CNNM4: variants seen among roughly 807,000 people sequenced by gnomAD.
CNNM4 encodes metal transporter CNNM4.
A neutral mutation model predicts 53.7 loss-of-function variants in CNNM4; 32 were observed. The ratio of observed to expected loss-of-function variants is 0.60; its 90% CI spans 0.45 to 0.80. CNNM4 has a LOEUF of 0.80. Among genes scored for constraint, CNNM4 ranks in the 30% least tolerant of loss-of-function variants. CNNM4 has a pLI of 0.00. For missense variants in CNNM4, 784 were observed against 1,022.0 expected, an observed-to-expected ratio of 0.77 and a Z score of 3.17; for synonymous variants, 410 against 440.0, an observed-to-expected ratio of 0.93 and a Z score of 0.85.
In CNNM4 at chr2:96,801,105, A is replaced by G; in HGVS notation, c.1948+1457A>G. 1 of 985,354 alleles carries G rather than the reference A, an allele frequency of 1.0e-6. No homozygotes were observed. The highest frequency in any genetic ancestry group is 1.2e-6 in the Non-Finnish European group (1 of 829,910). 61.0% of individuals were successfully genotyped at this position (985,354 alleles called of 1,614,324 possible). A position where few individuals can be genotyped will look rare whatever the true frequency, so the allele number is the denominator to read the frequency against. ...GTCCAGGTCGGGTGTCCGCCTGGCA[A>G]GCGGAACTCCCTGCTCTGCTGGCTC... On this transcript the variant is annotated intron_variant, in intron 5 of 6. Transcript: ENST00000377075. This position sits in a 1 kb window ranked among gnomAD's most constrained non-coding sequence, Gnocchi z 5.6.
chr2:96,761,339 G>A lies in CNNM4; in HGVS notation c.340G>A (p.Asp114Asn), dbSNP rs1388977149. The A allele has an allele frequency of 6.2e-7, 1 of 1,614,074 alleles. No homozygotes were observed. Among genetic ancestry groups the A allele is most frequent in the Admixed American group, 1.7e-5 (1 of 60,032 alleles). Reference sequence around the variant, plus strand: ...CACCAGCTGCCTCGAGCTCACCAAGGACCTGGTCGTCCAGCAGCTGGTCAA... The same window carrying A: ...CACCAGCTGCCTCGAGCTCACCAAGAACCTGGTCGTCCAGCAGCTGGTCAA... The part of the protein sequence containing the change: ...KSTSCLELTK[D>N]LVVQQLVNVS... Residue 114 changes from aspartate (D) to asparagine (N), a missense_variant, in exon 1 of 7, where the codon GAC becomes AAC. By Grantham distance (23) the Asp-to-Asn change is conservative. Around this residue, in one of 3 missense-constraint regions of CNNM4, gnomAD observed 473 missense variants for 624.6 expected, o/e 0.76. Transcript: ENST00000377075. This position sits in a 1 kb window ranked among gnomAD's most constrained non-coding sequence, Gnocchi z 6.0.
chr2:96,770,562 C>T (rs926486102), intron 1 of CNNM4, among the ~76,000 whole-genome samples: 20 of 152,208 alleles, frequency 1.3e-4, no homozygotes, highest in Admixed American at 1.1e-3. Flanking sequence ...CACCGTCCTT[C>T]GCAGCAGCTT....
At chr2:96,786,260 C>T (rs1293753986) in intron 1 of CNNM4, among the ~76,000 whole-genome samples, 19 of 148,564 alleles carry the variant, frequency 1.3e-4, no homozygotes, top group Admixed American at 1.3e-3. Flanking sequence ...CTACTAAAAA[C>T]ACAAAAATTA....
intron 1 of CNNM4, chr2:96,788,913 T>G (rs6576983): frequency 0.45 from 69,140 of 152,126 alleles, 17,066 homozygotes; most frequent in African/African-American, 0.65. Context: ...GGCCCTCTCA[T>G]GGCCCCTGTG....
chr2:96,771,982 G>A (rs1218677892), intron 1 of CNNM4, among the ~76,000 whole-genome samples: 1 of 152,126 alleles, frequency 6.6e-6, no homozygotes, highest in African/African-American at 2.4e-5. Flanking sequence ...CAGAGGTTAC[G>A]ATCAGAATTG....
rs1264370777 is a variant in CNNM4 at position 96,801,121 on chromosome 2, C to A, written c.1948+1473C>A. ...CGCCTGGCAAGCGGAACTCCCTGCTCTGCTGGCTCACAGGTAACGTGGCAC... is the reference window on the plus strand; with the variant it reads ...CGCCTGGCAAGCGGAACTCCCTGCTATGCTGGCTCACAGGTAACGTGGCAC... On this transcript the variant is annotated intron_variant, in intron 5 of 6. Coordinates refer to ENST00000377075, the MANE Select transcript of CNNM4 (RefSeq NM_020184.4). This position sits in a 1 kb window ranked among gnomAD's most constrained non-coding sequence, Gnocchi z 5.6. 5.1e-6 allele frequency: 5 copies of A among 985,286 alleles called. No homozygotes were observed. Among genetic ancestry groups the A allele is most frequent in the Non-Finnish European group, 4.8e-6 (4 of 829,924 alleles). The allele number at this position is 985,286 out of a possible 1,614,324, so 61.0% of individuals were successfully genotyped here.
At position 96,761,195 on chromosome 2, in the gene CNNM4, A is replaced by G. The variant is rs758086016; in HGVS notation, c.196A>G (p.Ile66Val). 6.2e-7 allele frequency: 1 copy of G among 1,613,910 alleles called. No individual in the cohort carries two copies. Among genetic ancestry groups the G allele is most frequent in the South Asian group, 1.1e-5 (1 of 91,070 alleles). Residue 66 changes from isoleucine to valine, a missense_variant, in exon 1 of 7, where the codon ATC (isoleucine) becomes GTC (valine). Ile to Val is a conservative substitution (Grantham distance 29). Around this residue, in one of 3 missense-constraint regions of CNNM4, gnomAD observed 473 missense variants for 624.6 expected, o/e 0.76. Transcript: ENST00000377075. The surrounding 1 kb of genome is among the most constrained non-coding windows in gnomAD (Gnocchi z 6.0). ...KSCGTNPDGI[I>V]FVSEGSTVNL... Reference sequence around the variant, plus strand: ...GTGTGGGACGAACCCGGATGGCATCATCTTCGTGTCCGAGGGCAGCACCGT... The same window carrying G: ...GTGTGGGACGAACCCGGATGGCATCGTCTTCGTGTCCGAGGGCAGCACCGT...
At chr2:96,764,708 C>T (rs1242156010) in intron 1 of CNNM4, among the ~76,000 whole-genome samples, 2 of 152,174 alleles carry the variant, frequency 1.3e-5, no homozygotes, top group Non-Finnish European at 2.9e-5. Context: ...AGTTTCTTGG[C>T]CAGGCGCGGT....
chr2:96,796,609 GAGTT>G (rs2079106815), intron 1 of CNNM4, among the ~76,000 whole-genome samples: 1 of 152,008 alleles, frequency 6.6e-6, no homozygotes, highest in Admixed American at 6.5e-5. Flanking sequence ...AAAAATAAAA[GAGTT>G]AGCCAGGCAT....
At chr2:96,781,908 A>G (rs1042342313) in intron 1 of CNNM4, among the ~76,000 whole-genome samples, 3 of 152,156 alleles carry the variant, frequency 2.0e-5, no homozygotes, top group Non-Finnish European at 4.4e-5. Flanking sequence ...AGATCAAGGA[A>G]ATTCCCTTCT....
intron 5 of CNNM4, among the ~76,000 whole-genome samples, chr2:96,804,725 A>G (rs969273090): frequency 4.0e-5 from 6 of 151,044 alleles, no homozygotes; most frequent in Admixed American, 3.3e-4. Context: ...TAGTAGAAAC[A>G]GGGTTTTGCC....
chr2:96,790,031 C>T (rs1356840013), intron 1 of CNNM4, among the ~76,000 whole-genome samples: 37 of 86,178 alleles, frequency 4.3e-4, no homozygotes, highest in African/African-American at 1.6e-3. Context: ...TTTTTTGAGA[C>T]GGAGTCTTGC....
intron 1 of CNNM4, among the ~76,000 whole-genome samples, chr2:96,770,276 G>A (rs1332439249): frequency 6.6e-6 from 1 of 152,172 alleles, no homozygotes; most frequent in East Asian, 1.9e-4. Context: ...AGGAAATCCC[G>A]CTCCAGTGTT....
chr2:96,762,011 C>G lies in CNNM4; in HGVS notation c.1012C>G (p.Arg338Gly), dbSNP rs146068349. ...CCAGGAGATTCGCACTGTTTACAAC[C>G]GGGAGAAGCTGATGGAGATGTTGAA... ...LGQEIRTVYNREKLMEMLKVT... is the reference protein window; with the variant it reads ...LGQEIRTVYNGEKLMEMLKVT... Residue 338 changes from arginine to glycine, a missense_variant, in exon 1 of 7, where the codon CGG (arginine) becomes GGG (glycine). By Grantham distance (125) the Arg-to-Gly change is moderately radical. This residue lies in a region of CNNM4 where 473 missense variants were observed against 624.6 expected (regional missense o/e 0.76). Coordinates refer to ENST00000377075, the MANE Select transcript of CNNM4 (RefSeq NM_020184.4). The G allele has an allele frequency of 6.2e-6, 10 of 1,613,984 alleles. No individual in the cohort carries two copies. In the African/African-American group the frequency reaches 1.2e-4, roughly 19 times the overall value.
At chr2:96,782,281 A>T (rs776970163) in intron 1 of CNNM4, among the ~76,000 whole-genome samples, 9 of 152,008 alleles carry the variant, frequency 5.9e-5, no homozygotes, top group Non-Finnish European at 1.3e-4. Context: ...GTGTGGTGGC[A>T]TGAGCCTGTA....
chr2:96,803,848 C>T (rs570190468), intron 5 of CNNM4, among the ~76,000 whole-genome samples: 117 of 152,190 alleles, frequency 7.7e-4, no homozygotes, highest in Middle Eastern at 3.4e-3. Context: ...ATAATTTCAT[C>T]TCTCAGAGAC....
chr2:96,804,013 C>T (rs2079180296), intron 5 of CNNM4, among the ~76,000 whole-genome samples: 1 of 151,984 alleles, frequency 6.6e-6, no homozygotes. Flanking sequence ...ACCCTCCCAC[C>T]TCAGCCTCCC....
rs746879923 is a variant in CNNM4, at chr2:96,762,305, A to AC, written c.1312dup (p.Leu438ProfsTer9). The AC allele has an allele frequency of 1.2e-6, 2 of 1,613,866 alleles. No individual in the cohort carries two copies. Among genetic ancestry groups the AC allele is most frequent in the Non-Finnish European group, 1.7e-6 (2 of 1,179,960 alleles). The stretch of plus-strand genomic sequence containing the variant: ...GGCCTTTGTGGACCCCGATGACTGC[A>AC]CCCCCCTCAAGACTATCACTCGCTT... On this transcript the variant is annotated frameshift_variant, in exon 1 of 7. Coordinates refer to ENST00000377075, the MANE Select transcript of CNNM4 (RefSeq NM_020184.4). LOFTEE classifies it high-confidence loss of function.
Position 96,762,089 on chromosome 2 carries a change from G to C in CNNM4, c.1090G>C (p.Gly364Arg). 1 of 1,614,030 alleles carries C rather than the reference G, an allele frequency of 6.2e-7. No homozygotes were observed. Among genetic ancestry groups the C allele is most frequent in the Non-Finnish European group, 8.5e-7 (1 of 1,180,012 alleles). The change falls in exon 1 of 7, where the codon GGT becomes CGT. Residue 364 changes from glycine (G) to arginine (R), a missense_variant. Gly to Arg is a moderately radical substitution (Grantham distance 125). Transcript: ENST00000377075. ...LVKEELNMIQ[G>R]ALELRTKTVE... ...GAAAGAGGAGCTCAATATGATCCAG[G>C]GTGCCCTGGAACTACGGACCAAAAC... is the stretch of plus-strand genomic sequence containing the variant.
Sources: allele counts gnomAD v4.1 joint callset (sites outside exome capture counted in the v4.1 genomes callset), GRCh38; gene constraint gnomAD v4.1.1; regional missense constraint gnomAD v4.1.1; non-coding constraint Gnocchi (gnomAD v3.1); transcripts MANE v1.5; gene names NCBI Gene and HGNC (gene_info 2026-07-23, HGNC 2026-07-21).